PHTF2: variants seen among roughly 807,000 people sequenced by gnomAD.
The protein encoded by PHTF2 is putative homeodomain transcription factor 2.
PHTF2 carries 60 observed loss-of-function variants against 101.2 expected under a neutral mutation model. The observed-to-expected ratio is 0.59, with a 90% CI of 0.48 to 0.73. The LOEUF (loss-of-function observed/expected upper bound fraction) is 0.73, where lower values mean the gene tolerates loss of function less well. PHTF2 is among the 30% of genes least tolerant of loss of function. PHTF2 has a pLI of 0.00. For synonymous variants in PHTF2, 311 were observed against 307.3 expected, an observed-to-expected ratio of 1.01 and a Z score of -0.13; for missense variants, 747 against 908.7, an observed-to-expected ratio of 0.82 and a Z score of 2.29.
chr7:77,814,884 G>A (rs904009864), intron 1 of PHTF2, among the ~76,000 whole-genome samples: 2 of 151,960 alleles, frequency 1.3e-5, no homozygotes, highest in Non-Finnish European at 2.9e-5. Flanking sequence ...TGACCAGCCT[G>A]GCCAACTTGG....
At chr7:77,939,146 G>A (rs1288410489) in intron 13 of PHTF2, among the ~76,000 whole-genome samples, 2 of 152,076 alleles carry the variant, frequency 1.3e-5, no homozygotes, top group Non-Finnish European at 2.9e-5. Flanking sequence ...TGCCAGTCTA[G>A]CATACTGGAA....
chr7:77,893,559 T>C (rs1486938321), intron 3 of PHTF2, 49 bp from the exon 3 acceptor site: 3 of 760,786 alleles, frequency 3.9e-6, no homozygotes, highest in Non-Finnish European at 6.8e-6. Context: ...TTATACCTAT[T>C]TGATGGGTAC....
intron 1 of PHTF2, among the ~76,000 whole-genome samples, chr7:77,833,272 A>G (rs535813806): frequency 2.0e-5 from 3 of 152,330 alleles, no homozygotes; most frequent in Admixed American, 2.0e-4. Context: ...AAAAATGTTG[A>G]AAGTATGGGA....
At position 77,836,974 on chromosome 7, in the gene PHTF2, CAA is replaced by C. The variant is rs60178398; in HGVS notation, c.-35-3232_-35-3231del. Reference sequence around the variant, plus strand: ...AAAACTTAAAGTATAATAAAAAAAGCAAAAAAAAAAAAAAAAGAATTTCAGAT... The same window carrying C: ...AAAACTTAAAGTATAATAAAAAAAGCAAAAAAAAAAAAAAGAATTTCAGAT... On this transcript the variant is annotated intron_variant, in intron 1 of 19. Transcript: ENST00000416283. Among the ~76,000 whole-genome samples the C allele has an allele frequency of 9.2e-3, 822 of 89,492 alleles. 5 individuals are homozygous for C. The highest frequency in any genetic ancestry group is 0.023 in the African/African-American group (703 of 30,376). 58.7% of individuals were successfully genotyped at this position (89,492 alleles called of 152,430 possible).
At position 77,922,944 on chromosome 7, in the gene PHTF2, C is replaced by T. The variant is rs4729862; in HGVS notation, c.1119+166C>T. ...TTATAAAATAGCAGTTTTAGGTTTA[C>T]GTATTGCACATGTATTGATAGATAG... On this transcript the variant is annotated intron_variant, in intron 11 of 19. Coordinates refer to ENST00000416283, the Ensembl canonical transcript of PHTF2. 3.4e-3 allele frequency: 4,617 copies of T among 1,351,812 alleles called. 60 individuals carry two copies. Among genetic ancestry groups the T allele is most frequent in the South Asian group, 0.031 (1,593 of 51,608 alleles). 83.7% of individuals were successfully genotyped at this position (1,351,812 alleles called of 1,614,324 possible).
chr7:77,845,295 G>C (rs142686946), intron 2 of PHTF2, among the ~76,000 whole-genome samples: 247 of 152,212 alleles, frequency 1.6e-3, no homozygotes, highest in African/African-American at 5.5e-3. Flanking sequence ...AAATATATAA[G>C]AGAAGAGTGG....
At chr7:77,953,465 TTCTAG>T (rs1333224709) in intron 18 of PHTF2, among the ~76,000 whole-genome samples, 1 of 152,222 alleles carries the variant, frequency 6.6e-6, no homozygotes, top group Admixed American at 6.5e-5. Flanking sequence ...CTCTTTCGGT[TTCTAG>T]TCTAGTTCTT....
chr7:77,910,212 G>A (rs770373356), intron 8 of PHTF2, 33 bp from the exon 8 acceptor site: 1 of 1,576,200 alleles, frequency 6.3e-7, no homozygotes, highest in South Asian at 1.2e-5. Context: ...AAATATTAAA[G>A]CTGCCTTCCA....
At chr7:77,919,795 GT>G (rs1215981779) in intron 9 of PHTF2, among the ~76,000 whole-genome samples, 1 of 151,568 alleles carries the variant, frequency 6.6e-6, no homozygotes, top group South Asian at 2.1e-4. Context: ...TAAAATTTTC[GT>G]TTTTTTATAT....
intron 7 of PHTF2, among the ~76,000 whole-genome samples, chr7:77,904,633 T>A (rs1801687991): frequency 6.6e-6 from 1 of 152,208 alleles, no homozygotes; most frequent in Non-Finnish European, 1.5e-5. Flanking sequence ...CTTGTGTGTG[T>A]GAGTGGAGAG....
intron 9 of PHTF2, 71 bp downstream of exon 8, chr7:77,910,480 G>A: frequency 1.9e-6 from 2 of 1,050,972 alleles, no homozygotes; most frequent in South Asian, 3.1e-5. Context: ...TCAGTCTCAG[G>A]TAATGAATAT....
chr7:77,955,644 T>C (rs1309655755), exon 20 of PHTF2: 2 of 152,620 alleles, frequency 1.3e-5, no homozygotes. Flanking sequence ...GGATCTGTTA[T>C]AGTATACTAG....
At chr7:77,874,563 T>C (rs1218969529) in intron 3 of PHTF2, among the ~76,000 whole-genome samples, 4 of 152,160 alleles carry the variant, frequency 2.6e-5, no homozygotes, top group African/African-American at 9.6e-5. Context: ...ATGAAAAAGA[T>C]ATAGGCTGGG....
At chr7:77,815,031 C>A (rs930065936) in intron 1 of PHTF2, among the ~76,000 whole-genome samples, 6 of 151,860 alleles carry the variant, frequency 4.0e-5, no homozygotes, top group African/African-American at 1.5e-4. Flanking sequence ...GAGCTGATAT[C>A]ACGCCCCTGC....
intron 1 of PHTF2, among the ~76,000 whole-genome samples, chr7:77,802,037 A>G (rs1221761288): frequency 2.6e-5 from 4 of 152,318 alleles, no homozygotes; most frequent in East Asian, 3.9e-4. Flanking sequence ...TTAAGAGAGA[A>G]CTAGTTGGGT....
intron 2 of PHTF2, among the ~76,000 whole-genome samples, chr7:77,850,784 A>G (rs946902477): frequency 8.5e-5 from 13 of 152,160 alleles, no homozygotes; most frequent in African/African-American, 2.9e-4. Context: ...TCAGTTTGAT[A>G]CCAGCAATGC....
chr7:77,892,868 T>C (rs533833460), intron 3 of PHTF2, among the ~76,000 whole-genome samples: 103 of 152,382 alleles, frequency 6.8e-4, no homozygotes, highest in South Asian at 4.3e-3. Context: ...CACAACTTTG[T>C]TTTCCAATTT....
chr7:77,824,118 G>A (rs1229880843), intron 1 of PHTF2, among the ~76,000 whole-genome samples: 2 of 152,148 alleles, frequency 1.3e-5, no homozygotes, highest in Admixed American at 1.3e-4. Context: ...TTATTGAGTG[G>A]TTTCTGTGTG....
chr7:77,840,352 T>A, intron 2 of PHTF2, 52 bp downstream of exon 2: 1 of 1,113,914 alleles, frequency 9.0e-7, no homozygotes, highest in Non-Finnish European at 1.4e-6. Context: ...ATTTCAAAAA[T>A]ACATGTTTAT....
Sources: allele counts gnomAD v4.1 joint callset (sites outside exome capture counted in the v4.1 genomes callset), GRCh38; gene constraint gnomAD v4.1.1; transcripts MANE v1.5; gene names NCBI Gene and HGNC (gene_info 2026-07-23, HGNC 2026-07-21).